NEDD4L: variants seen among roughly 807,000 people sequenced by gnomAD.
The protein encoded by NEDD4L is E3 ubiquitin-protein ligase NEDD4-like.
NEDD4L carries 54 observed loss-of-function variants against 148.9 expected under a neutral mutation model. The ratio of observed to expected loss-of-function variants is 0.36; its 90% CI spans 0.29 to 0.45. The LOEUF is 0.45. Ranked by LOEUF, NEDD4L falls within the 20% of genes least tolerant of loss-of-function variation. The pLI, the probability that NEDD4L is intolerant of heterozygous loss-of-function variation, is 1.00. For synonymous variants in NEDD4L, 433 were observed against 440.7 expected (o/e 0.98, Z 0.22); for missense variants, 856 against 1,233.8 (o/e 0.69, Z 4.59).
chr18:58,126,983 C>T (rs1163648213), intron 1 of NEDD4L, among the ~76,000 whole-genome samples: 1 of 152,220 alleles, frequency 6.6e-6, no homozygotes, highest in Non-Finnish European at 1.5e-5. Flanking sequence ...GCGATTCTCT[C>T]TCTGGGTTTC....
intron 1 of NEDD4L, among the ~76,000 whole-genome samples, chr18:58,081,504 C>G (rs1048286868): frequency 6.6e-6 from 1 of 151,806 alleles, no homozygotes; most frequent in African/African-American, 2.4e-5. Flanking sequence ...TGTGAGCCAC[C>G]GCACCCAGCT....
At chr18:58,135,975 T>C (rs1404286916) in intron 1 of NEDD4L, among the ~76,000 whole-genome samples, 2 of 152,224 alleles carry the variant, frequency 1.3e-5, no homozygotes, top group Non-Finnish European at 2.9e-5. Flanking sequence ...TTGCTCCCCC[T>C]TGTGGCTAAA....
intron 5 of NEDD4L, among the ~76,000 whole-genome samples, chr18:58,287,480 C>T (rs2054101111): frequency 6.6e-6 from 1 of 152,178 alleles, no homozygotes; most frequent in East Asian, 1.9e-4. Flanking sequence ...CCCTCAGGAT[C>T]ATGAGTTCAC....
intron 5 of NEDD4L, among the ~76,000 whole-genome samples, chr18:58,288,101 C>A (rs1811074789): frequency 6.6e-6 from 1 of 152,186 alleles, no homozygotes; most frequent in Non-Finnish European, 1.5e-5. Context: ...TCTTGCCATT[C>A]CTCTACCAAC....
At chr18:58,194,749 A>G (rs1212454117) in intron 2 of NEDD4L, among the ~76,000 whole-genome samples, 2 of 152,234 alleles carry the variant, frequency 1.3e-5, no homozygotes, top group South Asian at 4.1e-4. Flanking sequence ...GCTATTGGGT[A>G]TGCACTGGAT....
chr18:58,260,145 T>C (rs1685716567), intron 5 of NEDD4L, among the ~76,000 whole-genome samples: 1 of 152,136 alleles, frequency 6.6e-6, no homozygotes, highest in Non-Finnish European at 1.5e-5. Context: ...CTCTACAGCC[T>C]GGGCAGCAGA....
At chr18:58,108,121 G>A (rs999058227) in intron 1 of NEDD4L, among the ~76,000 whole-genome samples, 18 of 152,222 alleles carry the variant, frequency 1.2e-4, no homozygotes, top group Admixed American at 4.6e-4. Flanking sequence ...TAGATCTTGA[G>A]TGAAGAGATA....
At chr18:58,348,774 A>G (rs1383158775) in intron 16 of NEDD4L, among the ~76,000 whole-genome samples, 1 of 152,160 alleles carries the variant, frequency 6.6e-6, no homozygotes, top group East Asian at 1.9e-4. Flanking sequence ...GCAGGATTTT[A>G]CATCTGACCA....
At chr18:58,390,863 A>C (rs1335065152) in intron 29 of NEDD4L, 121 bp downstream of exon 29, 2 of 713,256 alleles carry the variant, frequency 2.8e-6, no homozygotes, top group Non-Finnish European at 5.1e-6. Context: ...ACAGTGTGCC[A>C]TGCATAGGTT....
intron 2 of NEDD4L, among the ~76,000 whole-genome samples, chr18:58,181,586 T>G (rs186566387): frequency 6.6e-6 from 1 of 152,148 alleles, no homozygotes. Flanking sequence ...CATGCAACCA[T>G]GCCCAGCTAA....
At chr18:58,111,280 C>T (rs1365013899) in intron 1 of NEDD4L, among the ~76,000 whole-genome samples, 1 of 152,114 alleles carries the variant, frequency 6.6e-6, no homozygotes, top group Non-Finnish European at 1.5e-5. Context: ...ATTGGTCAGG[C>T]TGGTCTTGAA....
chr18:58,119,316 G>A (rs2145790267), intron 1 of NEDD4L, among the ~76,000 whole-genome samples: 1 of 152,278 alleles, frequency 6.6e-6, no homozygotes, highest in East Asian at 1.9e-4. Context: ...GGGGAGGTGG[G>A]GGAGGTGTGG....
chr18:58,388,797 C>G, intron 27 of NEDD4L: 1 of 397,184 alleles, frequency 2.5e-6, no homozygotes, highest in Non-Finnish European at 4.7e-6. Flanking sequence ...AGGTCCCATG[C>G]GTAAGACTAG....
chr18:58,057,022 A>G lies in NEDD4L; in HGVS notation c.48+12314A>G, dbSNP rs111236581. On this transcript the variant is annotated intron_variant, in intron 1 of 30. Transcript: ENST00000400345. ...GAGGCTGAGATCTGTTCATCCTGCA[A>G]CCAGTCACCGTGGCAAGGAGGAGAT... Among the ~76,000 whole-genome samples, 1,414 of 151,326 alleles carry G rather than the reference A, an allele frequency of 9.3e-3. 34 individuals are homozygous for G. Among genetic ancestry groups the G allele is most frequent in the African/African-American group, 0.032 (1,342 of 41,326 alleles).
chr18:58,240,172 T>C (rs910474202), intron 2 of NEDD4L, among the ~76,000 whole-genome samples: 1 of 145,932 alleles, frequency 6.9e-6, no homozygotes, highest in Non-Finnish European at 1.5e-5. Context: ...ATGTCACCCT[T>C]GTATTTTTTT....
chr18:58,122,070 T>C (rs1695517101), intron 1 of NEDD4L, among the ~76,000 whole-genome samples: 3 of 152,288 alleles, frequency 2.0e-5, no homozygotes, highest in Admixed American at 2.0e-4. Context: ...CTCAAGTCTT[T>C]GGGCTGTGTC....
chr18:58,258,036 A>G (rs1187501401), intron 5 of NEDD4L, among the ~76,000 whole-genome samples: 2 of 152,224 alleles, frequency 1.3e-5, no homozygotes, highest in Non-Finnish European at 2.9e-5. Flanking sequence ...AGTAAACTTT[A>G]TCACTCCTCC....
At chr18:58,096,433 T>G (rs1179874688) in intron 1 of NEDD4L, among the ~76,000 whole-genome samples, 1 of 150,690 alleles carries the variant, frequency 6.6e-6, no homozygotes, top group Non-Finnish European at 1.5e-5. Context: ...TGACAGAGTC[T>G]TGCTCTGTCA....
At chr18:58,240,708 G>T (rs550447723) in intron 2 of NEDD4L, among the ~76,000 whole-genome samples, 1 of 152,240 alleles carries the variant, frequency 6.6e-6, no homozygotes, top group African/African-American at 2.4e-5. Context: ...GAGGCCTTCC[G>T]TTGGGTCCCA....
Sources: gnomAD v4.1 joint callset for allele counts (sites outside exome capture counted in the v4.1 genomes callset) on GRCh38, gnomAD v4.1.1 for gene constraint, MANE v1.5 for transcripts, NCBI Gene and HGNC (gene_info 2026-07-23, HGNC 2026-07-21) for gene names.